The following DNAH6 variants were observed in gnomAD, a reference collection of about 807,000 sequenced individuals.
DNAH6 encodes axonemal beta dynein heavy chain 6.
Under a neutral mutation model 491.4 loss-of-function variants are expected in DNAH6, and 340 were observed. That is an observed-to-expected ratio of 0.69 (90% CI 0.63 to 0.76). The LOEUF (loss-of-function observed/expected upper bound fraction) is 0.76, where lower values mean the gene tolerates loss of function less well. DNAH6 is among the 30% of genes least tolerant of loss of function. The probability of loss-of-function intolerance (pLI) is 0.00; values close to 1 mark genes in which losing one functional copy is unlikely to be tolerated. For missense variants in DNAH6, 4,443 were observed against 4,972.2 expected, an observed-to-expected ratio of 0.89 and a Z score of 3.20; for synonymous variants, 1,603 against 1,686.1, an observed-to-expected ratio of 0.95 and a Z score of 1.21.
intron 33 of DNAH6, among the ~76,000 whole-genome samples, chr2:84,651,072 T>C (rs1406473614): frequency 6.6e-6 from 1 of 152,118 alleles, no homozygotes; most frequent in Non-Finnish European, 1.5e-5. Flanking sequence ...TCCAGTGATA[T>C]TGTCCTGGAT....
the DNAH6 span, among the ~76,000 whole-genome samples, chr2:84,489,242 A>G: frequency 6.6e-6 from 1 of 152,156 alleles, no homozygotes; most frequent in African/African-American, 2.4e-5. Flanking sequence ...TACCTGGGGC[A>G]CATTGTAATT....
chr2:84,591,657 T>A (rs1684129380), intron 16 of DNAH6, among the ~76,000 whole-genome samples: 1 of 152,020 alleles, frequency 6.6e-6, no homozygotes, highest in African/African-American at 2.4e-5. Context: ...CCCAACACAA[T>A]CTTGAGAAAT....
At chr2:84,469,971 G>T in the DNAH6 span, among the ~76,000 whole-genome samples, 1 of 151,964 alleles carries the variant, frequency 6.6e-6, no homozygotes, top group Non-Finnish European at 1.5e-5. The surrounding 1 kb of genome is among the most constrained non-coding windows in gnomAD (Gnocchi z 4.0). Context: ...TTTATGAAGA[G>T]GGGCCTCTAA....
chr2:84,781,496 G>T lies in DNAH6; in HGVS notation c.10707G>T (p.Val3569=), dbSNP rs904482134. 6.5e-7 allele frequency: 1 copy of T among 1,548,764 alleles called. No individual in the cohort carries two copies. Among genetic ancestry groups the T allele is most frequent in the Non-Finnish European group, 8.7e-7 (1 of 1,145,030 alleles). ...GTGTTCTTGCTGTTCAATTCAGGGT[G>T]CAGTCAATTTCACTGGGGCAAGGAC... ...FARESGYSER[V]QSISLGQGQG... The change falls in exon 65 of 77, where the codon GTG becomes GTT. Residue 3569 remains valine, a synonymous_variant. Transcript: ENST00000389394.
chr2:84,699,559 A>G, intron 47 of DNAH6, 35 bp from the exon 48 acceptor site: 1 of 1,532,304 alleles, frequency 6.5e-7, no homozygotes, highest in South Asian at 1.2e-5. Flanking sequence ...CTTAATCATT[A>G]TTTTAAACTG....
intron 9 of DNAH6, among the ~76,000 whole-genome samples, chr2:84,552,368 A>T (rs12373700): frequency 0.24 from 36,078 of 152,138 alleles, 5,372 homozygotes; most frequent in Non-Finnish European, 0.33. Flanking sequence ...AAATTACACA[A>T]ATACCCAGCA....
chr2:84,676,761 A>AAAGTAT (rs1322323604), intron 40 of DNAH6, among the ~76,000 whole-genome samples: 1 of 152,260 alleles, frequency 6.6e-6, no homozygotes, highest in East Asian at 1.9e-4. Context: ...GTATTTATAC[A>AAAGTAT]AAGTAGATGA....
intron 22 of DNAH6, 27 bp from the exon 23 acceptor site, chr2:84,616,859 C>T: frequency 1.6e-6 from 2 of 1,265,660 alleles, no homozygotes; most frequent in Non-Finnish European, 1.1e-6. Flanking sequence ...CACAGTTTTA[C>T]CAATACTATT....
chr2:84,772,925 A>T (rs1050558366), intron 64 of DNAH6, among the ~76,000 whole-genome samples: 6 of 152,102 alleles, frequency 3.9e-5, no homozygotes, highest in African/African-American at 1.4e-4. Context: ...AAACTTAAAA[A>T]GATTGAGCCA....
intron 45 of DNAH6, among the ~76,000 whole-genome samples, chr2:84,691,730 A>G (rs1573501411): frequency 6.6e-6 from 1 of 152,258 alleles, no homozygotes; most frequent in Non-Finnish European, 1.5e-5. Flanking sequence ...ATAGACATTA[A>G]TATTTGAATT....
At chr2:84,502,600 A>G in the DNAH6 span, among the ~76,000 whole-genome samples, 4 of 152,158 alleles carry the variant, frequency 2.6e-5, no homozygotes, top group Admixed American at 6.5e-5. Flanking sequence ...GATCTGTCCA[A>G]TGTCGAAATA....
chr2:84,666,903 A>G (rs543772947), intron 37 of DNAH6, among the ~76,000 whole-genome samples: 4 of 152,332 alleles, frequency 2.6e-5, no homozygotes, highest in African/African-American at 9.6e-5. Flanking sequence ...AAACAGAGAT[A>G]TAGACCAACG....
chr2:84,766,379 AT>A, intron 64 of DNAH6, among the ~76,000 whole-genome samples: 1 of 152,202 alleles, frequency 6.6e-6, no homozygotes, highest in Non-Finnish European at 1.5e-5. Flanking sequence ...TTAAAACATT[AT>A]TTTTTAAACA....
chr2:84,812,549 G>A (rs901089437), intron 73 of DNAH6, 23 bp downstream of exon 73: 1 of 1,541,530 alleles, frequency 6.5e-7, no homozygotes, highest in Non-Finnish European at 8.8e-7. Flanking sequence ...CTTTCACTGG[G>A]TTTTGATGAA....
chr2:84,629,938 C>T (rs116220544), intron 29 of DNAH6, among the ~76,000 whole-genome samples: 5,403 of 152,170 alleles, frequency 0.036, 145 homozygotes, highest in Non-Finnish European at 0.053. Flanking sequence ...ATAATAATAA[C>T]TGGAATGGAT....
Position 84,672,621 on chromosome 2 carries a change from T to G in DNAH6, c.6612+137T>G, listed in dbSNP as rs1466359919. The G allele has an allele frequency of 3.8e-6, 3 of 798,600 alleles. No individual in the cohort carries two copies. The African/African-American group carries it at 5.2e-5, about 14-fold the overall frequency. 49.5% of individuals were successfully genotyped at this position (798,600 alleles called of 1,614,324 possible). ...CAACAGAAATTTATTTTCTCATAAT[T>G]CTGAAGACTAGACGTCTAAGAACAA... is the stretch of plus-strand genomic sequence containing the variant. On this transcript the variant is annotated intron_variant, in intron 40 of 76. Coordinates refer to ENST00000389394, the MANE Select transcript of DNAH6 (RefSeq NM_001370.2).
chr2:84,763,682 T>A (rs1359990530), intron 64 of DNAH6, among the ~76,000 whole-genome samples: 2 of 151,408 alleles, frequency 1.3e-5, no homozygotes, highest in African/African-American at 2.4e-5. Context: ...TCTGTATTAG[T>A]CAGCAGTCTC....
At chr2:84,662,293 G>A in intron 37 of DNAH6, among the ~76,000 whole-genome samples, 1 of 152,172 alleles carries the variant, frequency 6.6e-6, no homozygotes, top group East Asian at 1.9e-4. Context: ...ACCCCATGGA[G>A]CAGGGTGGGG....
chr2:84,665,597 G>C (rs1188831058), intron 37 of DNAH6, among the ~76,000 whole-genome samples: 1 of 152,130 alleles, frequency 6.6e-6, no homozygotes, highest in Non-Finnish European at 1.5e-5. Flanking sequence ...CTGAAATTGA[G>C]GCAATAATTA....
Sources: allele counts gnomAD v4.1 joint callset (sites outside exome capture counted in the v4.1 genomes callset), GRCh38; gene constraint gnomAD v4.1.1; non-coding constraint Gnocchi (gnomAD v3.1); transcripts MANE v1.5; gene names NCBI Gene and HGNC (gene_info 2026-07-23, HGNC 2026-07-21).